GADL1: variants seen among roughly 807,000 people sequenced by gnomAD.
The protein encoded by GADL1 is acidic amino acid decarboxylase GADL1.
A neutral mutation model predicts 69.5 loss-of-function variants in GADL1; 71 were observed. The observed-to-expected ratio is 1.02, with a 90% CI of 0.84 to 1.25. The LOEUF (loss-of-function observed/expected upper bound fraction) is 1.25, where lower values mean the gene tolerates loss of function less well. GADL1 is among the 50% of genes most tolerant of loss of function. GADL1 has a pLI of 0.00. For missense variants in GADL1, 737 were observed against 631.8 expected, an observed-to-expected ratio of 1.17 and a Z score of -1.79; for synonymous variants, 254 against 214.4, an observed-to-expected ratio of 1.18 and a Z score of -1.62.
chr3:30,890,829 A>G (rs985424643), intron 1 of GADL1, among the ~76,000 whole-genome samples: 3 of 152,216 alleles, frequency 2.0e-5, no homozygotes, highest in Non-Finnish European at 2.9e-5. Flanking sequence ...TAACTTTCAC[A>G]TACAATTTTC....
intron 13 of GADL1, among the ~76,000 whole-genome samples, chr3:30,782,940 T>TC (rs1279085738): frequency 1.3e-5 from 2 of 152,130 alleles, no homozygotes; most frequent in East Asian, 1.9e-4. Flanking sequence ...TTTTATTAGA[T>TC]TACAAGATAA....
chr3:30,822,081 G>A (rs1011024321), intron 11 of GADL1, among the ~76,000 whole-genome samples: 1 of 152,030 alleles, frequency 6.6e-6, no homozygotes, highest in Non-Finnish European at 1.5e-5. Context: ...TGCTCATATG[G>A]AAGTCTGGTA....
chr3:30,744,132 A>G (rs529922751), intron 14 of GADL1, among the ~76,000 whole-genome samples: 1 of 152,224 alleles, frequency 6.6e-6, no homozygotes, highest in Non-Finnish European at 1.5e-5. Flanking sequence ...CCTAATTCAT[A>G]TGACTCAAAC....
rs1698728009 is a variant in GADL1, at chr3:30,887,699, G to GA, written c.37+6878dup. On this transcript the variant is annotated intron_variant, in intron 1 of 14. Coordinates refer to ENST00000282538, the MANE Select transcript of GADL1 (RefSeq NM_207359.3). ...GTTGAACCGTGAGCACAAAAGTAGTGAAATCCAGATTGTCAATTTTACAAG... is the reference window on the plus strand; with the variant it reads ...GTTGAACCGTGAGCACAAAAGTAGTGAAAATCCAGATTGTCAATTTTACAAG... 2.6e-5 allele frequency among the ~76,000 whole-genome samples: 4 copies of GA among 152,262 alleles called. No individual in the cohort carries two copies. The East Asian group carries it at 7.7e-4, about 29-fold the overall frequency.
At chr3:30,754,190 T>C in intron 14 of GADL1, among the ~76,000 whole-genome samples, 2 of 152,330 alleles carry the variant, frequency 1.3e-5, no homozygotes, top group South Asian at 4.1e-4. Flanking sequence ...TATGGCTTCA[T>C]CCTTTTTTGC....
At chr3:30,815,070 G>A (rs1288280995) in intron 11 of GADL1, among the ~76,000 whole-genome samples, 1 of 151,956 alleles carries the variant, frequency 6.6e-6, no homozygotes, top group East Asian at 1.9e-4. Flanking sequence ...AGATAAAATG[G>A]CCATGGTTTA....
At chr3:30,851,072 C>T (rs776353525) in intron 4 of GADL1, 131 bp from the exon 5 acceptor site, 35 of 569,378 alleles carry the variant, frequency 6.1e-5, no homozygotes, top group Non-Finnish European at 7.5e-5. Context: ...GAAATTTATC[C>T]ATTGAAAATA....
At chr3:30,766,082 T>C (rs1226807494) in intron 14 of GADL1, among the ~76,000 whole-genome samples, 1 of 152,126 alleles carries the variant, frequency 6.6e-6, no homozygotes, top group African/African-American at 2.4e-5. Flanking sequence ...ACTGTATTGG[T>C]TAAATGATAT....
intron 1 of GADL1, among the ~76,000 whole-genome samples, chr3:30,884,282 A>T (rs1282301900): frequency 6.6e-6 from 1 of 152,062 alleles, no homozygotes; most frequent in African/African-American, 2.4e-5. Flanking sequence ...GCCTTCCCTG[A>T]GACAATCCCA....
At chr3:30,847,890 T>A (rs977233184) in intron 6 of GADL1, among the ~76,000 whole-genome samples, 10 of 152,198 alleles carry the variant, frequency 6.6e-5, no homozygotes, top group African/African-American at 2.2e-4. Flanking sequence ...CCAGGCGTAA[T>A]CTCTGTTCTA....
At chr3:30,768,384 A>C (rs1696335095) in intron 14 of GADL1, among the ~76,000 whole-genome samples, 1 of 152,174 alleles carries the variant, frequency 6.6e-6, no homozygotes, top group Admixed American at 6.5e-5. Flanking sequence ...TTTTATTTTC[A>C]GGAGTTTGGT....
chr3:30,800,802 GATAGAC>G (rs1697142266), intron 12 of GADL1, 81 bp downstream of exon 12: 3 of 1,007,616 alleles, frequency 3.0e-6, no homozygotes, highest in South Asian at 1.4e-5. Flanking sequence ...TACAGACACA[GATAGAC>G]ACACACACAC....
At chr3:30,744,018 T>C (rs777425496) in intron 14 of GADL1, among the ~76,000 whole-genome samples, 13 of 152,164 alleles carry the variant, frequency 8.5e-5, no homozygotes, top group Non-Finnish European at 1.9e-4. Context: ...GCATGAAGCA[T>C]GATCAAGAAA....
intron 4 of GADL1, among the ~76,000 whole-genome samples, chr3:30,852,742 C>A (rs1053977126): frequency 6.6e-6 from 1 of 152,064 alleles, no homozygotes; most frequent in East Asian, 1.9e-4. Flanking sequence ...AGAACACACT[C>A]ATGGGTTGGC....
intron 13 of GADL1, among the ~76,000 whole-genome samples, chr3:30,782,958 A>G (rs1246441259): frequency 6.6e-6 from 1 of 152,234 alleles, no homozygotes; most frequent in African/African-American, 2.4e-5. Flanking sequence ...TAACAATGTA[A>G]GAAAAATCAC....
At chr3:30,739,296 G>A (rs1695582264) in intron 14 of GADL1, among the ~76,000 whole-genome samples, 1 of 152,120 alleles carries the variant, frequency 6.6e-6, no homozygotes, top group Admixed American at 6.5e-5. Flanking sequence ...ATGCCTTGGT[G>A]AGATTCCTGT....
chr3:30,867,887 T>C (rs1246996072), intron 1 of GADL1, among the ~76,000 whole-genome samples: 3 of 152,014 alleles, frequency 2.0e-5, no homozygotes, highest in Non-Finnish European at 4.4e-5. Flanking sequence ...ATGTAAACAA[T>C]GTAGACATTT....
intron 1 of GADL1, among the ~76,000 whole-genome samples, chr3:30,862,737 A>G (rs1320718140): frequency 6.6e-6 from 1 of 152,024 alleles, no homozygotes; most frequent in Non-Finnish European, 1.5e-5. Flanking sequence ...GAAATCTTCA[A>G]AGGCAAAGAG....
chr3:30,883,229 A>C (rs1016157993), intron 1 of GADL1, among the ~76,000 whole-genome samples: 1 of 151,932 alleles, frequency 6.6e-6, no homozygotes, highest in Non-Finnish European at 1.5e-5. Context: ...TGCCAAATCC[A>C]ATGTCATAAG....
Sources: gnomAD v4.1 joint callset for allele counts (sites outside exome capture counted in the v4.1 genomes callset) on GRCh38, gnomAD v4.1.1 for gene constraint, MANE v1.5 for transcripts, NCBI Gene and HGNC (gene_info 2026-07-23, HGNC 2026-07-21) for gene names.